The following RBM47 variants were observed in gnomAD, a reference collection of about 807,000 sequenced individuals.
The protein encoded by RBM47 is RNA-binding protein 47.
In RBM47, 21 loss-of-function variants were observed where a neutral mutation model predicts 47.1. The observed-to-expected ratio is 0.45, with a 90% CI of 0.32 to 0.64. The LOEUF is 0.64. Ranked by LOEUF, RBM47 falls within the 30% of genes least tolerant of loss-of-function variation. The pLI, the probability that RBM47 is intolerant of heterozygous loss-of-function variation, is 0.05. For missense variants in RBM47, 708 were observed against 870.9 expected (o/e 0.81, Z 2.35); for synonymous variants, 375 against 361.7 (o/e 1.04, Z -0.42).
At chr4:40,519,462 T>C (rs1383834255) in intron 2 of RBM47, among the ~76,000 whole-genome samples, 1 of 151,244 alleles carries the variant, frequency 6.6e-6, no homozygotes, top group African/African-American at 2.4e-5. Context: ...CACACCCGGC[T>C]AATTTTGTAT....
chr4:40,520,754 T>C (rs1726117505), intron 2 of RBM47, among the ~76,000 whole-genome samples: 1 of 152,096 alleles, frequency 6.6e-6, no homozygotes, highest in Non-Finnish European at 1.5e-5. Context: ...CCTCAACAGA[T>C]GTGTAAGAAA....
chr4:40,623,367 T>C (rs575899885), intron 1 of RBM47, among the ~76,000 whole-genome samples: 1 of 152,342 alleles, frequency 6.6e-6, no homozygotes, highest in South Asian at 2.1e-4. Flanking sequence ...CTAATACTTC[T>C]TCAGCCACCT....
intron 3 of RBM47, among the ~76,000 whole-genome samples, chr4:40,456,571 CTT>C (rs34320480): frequency 4.4e-5 from 5 of 112,558 alleles, no homozygotes; most frequent in Non-Finnish European, 6.7e-5. Flanking sequence ...TTTCTTTTTT[CTT>C]TTTTTTTTTT....
At chr4:40,588,752 A>T (rs1479811994) in intron 1 of RBM47, among the ~76,000 whole-genome samples, 1 of 152,078 alleles carries the variant, frequency 6.6e-6, no homozygotes, top group East Asian at 1.9e-4. Flanking sequence ...CCAAAAAGAG[A>T]TCCTGAATTT....
intron 2 of RBM47, among the ~76,000 whole-genome samples, chr4:40,496,425 C>T (rs1301406562): frequency 6.6e-6 from 1 of 152,140 alleles, no homozygotes; most frequent in Non-Finnish European, 1.5e-5. Context: ...TAAAAGCACC[C>T]TCTAACACCA....
intron 1 of RBM47, among the ~76,000 whole-genome samples, chr4:40,544,734 C>A (rs1385296755): frequency 5.9e-5 from 9 of 152,082 alleles, no homozygotes; most frequent in Admixed American, 5.9e-4. Context: ...CAAGACTATT[C>A]CGTTTCATAT....
chr4:40,548,505 C>T (rs1433753235), intron 1 of RBM47, among the ~76,000 whole-genome samples: 3 of 152,148 alleles, frequency 2.0e-5, no homozygotes, highest in Admixed American at 6.6e-5. Flanking sequence ...AAAGGCAGGG[C>T]GACCTGTCTG....
At chr4:40,525,267 G>A (rs1726583026) in intron 2 of RBM47, among the ~76,000 whole-genome samples, 2 of 152,038 alleles carry the variant, frequency 1.3e-5, no homozygotes, top group South Asian at 4.1e-4. Context: ...GCGAAACCCT[G>A]TCTCTACTAA....
chr4:40,452,816 A>T lies in RBM47; in HGVS notation c.-32+13761T>A, dbSNP rs770001804. Among the ~76,000 whole-genome samples the T allele has an allele frequency of 2.2e-4, 33 of 151,172 alleles. 1 individual carries two copies. The highest frequency in any genetic ancestry group is 4.1e-4 in the Non-Finnish European group (28 of 67,906). Reference sequence around the variant, plus strand: ...AAAAGACAATAAATATTTGTCAAATAATTAAATGGACTGTGATTTCCTTCT... The same window carrying T: ...AAAAGACAATAAATATTTGTCAAATTATTAAATGGACTGTGATTTCCTTCT... On this transcript the variant is annotated intron_variant, in intron 3 of 6. Transcript: ENST00000295971.
In RBM47 at chr4:40,583,870, ACAAAAAACAAAAAAC is replaced by A. The variant is rs1446395216; in HGVS notation, c.-239-39379_-239-39365del. ...GAGACTCCGTCTCAAAAAAAAAAAA[ACAAAAAACAAAAAAC>A]AAAAAAACCAAAAAGCAGAATGATT... On this transcript the variant is annotated intron_variant, in intron 1 of 6. Coordinates refer to ENST00000295971, the MANE Select transcript of RBM47 (RefSeq NM_001098634.2). Among the ~76,000 whole-genome samples the A allele has an allele frequency of 8.4e-4, 46 of 54,740 alleles. 2 individuals are homozygous for A. Among genetic ancestry groups the A allele is most frequent in the Non-Finnish European group, 1.0e-3 (25 of 23,856 alleles). The allele number at this position is 54,740 out of a possible 152,430, so 35.9% of individuals were successfully genotyped here.
intron 2 of RBM47, among the ~76,000 whole-genome samples, chr4:40,533,554 TA>T (rs1185816609): frequency 6.6e-6 from 1 of 152,146 alleles, no homozygotes; most frequent in African/African-American, 2.4e-5. Context: ...TATACATTTT[TA>T]AAAAATACTG....
chr4:40,568,463 C>A (rs1731316956), intron 1 of RBM47, among the ~76,000 whole-genome samples: 1 of 141,578 alleles, frequency 7.1e-6, no homozygotes, highest in Non-Finnish European at 1.5e-5. Context: ...AAAGGGTGGT[C>A]TCTATCATAT....
chr4:40,589,553 C>T (rs1733930112), intron 1 of RBM47, among the ~76,000 whole-genome samples: 1 of 152,124 alleles, frequency 6.6e-6, no homozygotes, highest in Admixed American at 6.6e-5. Context: ...TCTCCTGCCT[C>T]AGCCTCCCAA....
chr4:40,493,845 A>T (rs2154247488), intron 2 of RBM47, among the ~76,000 whole-genome samples: 1 of 151,322 alleles, frequency 6.6e-6, no homozygotes, highest in South Asian at 2.1e-4. Flanking sequence ...AGGTTGAGGC[A>T]CGAGAGTTGC....
chr4:40,606,197 C>CA (rs373716711), intron 1 of RBM47, among the ~76,000 whole-genome samples: 3,656 of 106,468 alleles, frequency 0.034, 67 homozygotes, highest in Middle Eastern at 0.056. Flanking sequence ...GACGTCATCT[C>CA]AAAAAAAAAA....
At chr4:40,554,205 G>C (rs890621733) in intron 1 of RBM47, among the ~76,000 whole-genome samples, 2 of 152,022 alleles carry the variant, frequency 1.3e-5, no homozygotes, top group African/African-American at 4.8e-5. Context: ...CTGTCCCAAT[G>C]ATAACTTCCT....
intron 3 of RBM47, among the ~76,000 whole-genome samples, chr4:40,450,237 G>A (rs1577662602): frequency 6.6e-6 from 1 of 152,312 alleles, no homozygotes; most frequent in Non-Finnish European, 1.5e-5. Context: ...AAAGGAAGGA[G>A]AAGCCACAGT....
In RBM47 at chr4:40,423,447, G is replaced by T; in HGVS notation, c.*2457C>A. 1 of 149,270 alleles carries T rather than the reference G, an allele frequency of 6.7e-6. No homozygotes were observed. 9.2% of individuals were successfully genotyped at this position (149,270 alleles called of 1,614,324 possible). A position where few individuals can be genotyped will look rare whatever the true frequency, so the allele number is the denominator to read the frequency against. ...CTTTTTTTTTACATTTATATAGTTT[G>T]TTCTTAACACTAAAAAAAAAAAAAG... On this transcript the variant is annotated 3_prime_UTR_variant, in exon 7 of 7. Coordinates refer to ENST00000295971, the MANE Select transcript of RBM47 (RefSeq NM_001098634.2).
chr4:40,578,278 T>A (rs1732526072), intron 1 of RBM47, among the ~76,000 whole-genome samples: 1 of 145,884 alleles, frequency 6.9e-6, no homozygotes. Context: ...GTCCCATTCC[T>A]TACAAAAAAA....
Sources: gnomAD v4.1 joint callset for allele counts (sites outside exome capture counted in the v4.1 genomes callset) on GRCh38, gnomAD v4.1.1 for gene constraint, MANE v1.5 for transcripts, NCBI Gene and HGNC (gene_info 2026-07-23, HGNC 2026-07-21) for gene names.